PLEKHG1: variants seen among roughly 807,000 people sequenced by gnomAD.
PLEKHG1 encodes the protein pleckstrin homology and RhoGEF domain containing G1, also known as pleckstrin homology domain-containing family G member 1.
Under a neutral mutation model 100.8 loss-of-function variants are expected in PLEKHG1, and 44 were observed. The ratio of observed to expected loss-of-function variants is 0.44; its 90% CI spans 0.34 to 0.56. PLEKHG1 has a LOEUF of 0.56. Ranked by LOEUF, PLEKHG1 falls within the 20% of genes least tolerant of loss-of-function variation. The probability of loss-of-function intolerance (pLI) is 0.01; values close to 1 mark genes in which losing one functional copy is unlikely to be tolerated. For synonymous variants in PLEKHG1, 640 were observed against 662.5 expected, an observed-to-expected ratio of 0.97 and a Z score of 0.52; for missense variants, 1,545 against 1,720.9, an observed-to-expected ratio of 0.90 and a Z score of 1.81.
intron 1 of PLEKHG1, among the ~76,000 whole-genome samples, chr6:150,725,285 A>G (rs1004899376): frequency 1.3e-5 from 2 of 152,090 alleles, no homozygotes; most frequent in African/African-American, 4.8e-5. Flanking sequence ...TCATCTCCCA[A>G]CAGCCCCCCC....
intron 1 of PLEKHG1, among the ~76,000 whole-genome samples, chr6:150,637,301 T>C (rs529058833): frequency 1.3e-5 from 2 of 152,280 alleles, no homozygotes; most frequent in South Asian, 4.1e-4. Flanking sequence ...AAGGAGATTT[T>C]CCCAGTAGCT....
At chr6:150,658,528 G>T (rs771028743) in intron 3 of PLEKHG1, among the ~76,000 whole-genome samples, 2 of 152,130 alleles carry the variant, frequency 1.3e-5, no homozygotes, top group African/African-American at 2.4e-5. Flanking sequence ...CAGACTCTTA[G>T]TCAAATGCTT....
chr6:150,826,740 G>T (rs1441418998), intron 14 of PLEKHG1, among the ~76,000 whole-genome samples: 3 of 151,736 alleles, frequency 2.0e-5, no homozygotes, highest in African/African-American at 7.2e-5. Context: ...CTCACTTTAG[G>T]CTCAGGAATC....
At chr6:150,670,284 C>T (rs966704891) in intron 3 of PLEKHG1, among the ~76,000 whole-genome samples, 2 of 152,100 alleles carry the variant, frequency 1.3e-5, no homozygotes, top group African/African-American at 4.8e-5. Context: ...CATAGCCTTC[C>T]ACTGACCTTT....
At chr6:150,810,543 A>AAAGAAAGG (rs754046929) in intron 10 of PLEKHG1, among the ~76,000 whole-genome samples, 2 of 146,818 alleles carry the variant, frequency 1.4e-5, no homozygotes, top group Non-Finnish European at 3.0e-5. Context: ...AGAAAGGAAG[A>AAAGAAAGG]AAGGAAGGAA....
At chr6:150,758,142 C>T (rs151004747) in intron 2 of PLEKHG1, among the ~76,000 whole-genome samples, 11 of 152,214 alleles carry the variant, frequency 7.2e-5, no homozygotes, top group African/African-American at 2.4e-4. Flanking sequence ...ATTGAACATA[C>T]GCACACATGT....
chr6:150,620,625 T>C (rs1003988752), intron 1 of PLEKHG1, among the ~76,000 whole-genome samples: 1 of 152,232 alleles, frequency 6.6e-6, no homozygotes, highest in Non-Finnish European at 1.5e-5. Flanking sequence ...TGACTTGACT[T>C]ACCTATTTTC....
chr6:150,749,593 TAATTA>T (rs1160288089), intron 2 of PLEKHG1, among the ~76,000 whole-genome samples: 1 of 152,148 alleles, frequency 6.6e-6, no homozygotes, highest in Non-Finnish European at 1.5e-5. Flanking sequence ...CTGTATGTGA[TAATTA>T]AAGGACCAGT....
intron 3 of PLEKHG1, among the ~76,000 whole-genome samples, chr6:150,651,377 G>A (rs1778723960): frequency 6.6e-6 from 1 of 151,950 alleles, no homozygotes; most frequent in Non-Finnish European, 1.5e-5. Context: ...GGGATAACAG[G>A]CACGCACCAC....
intron 1 of PLEKHG1, among the ~76,000 whole-genome samples, chr6:150,615,579 C>T (rs1338558763): frequency 1.3e-5 from 2 of 152,078 alleles, no homozygotes; most frequent in African/African-American, 2.4e-5. Context: ...TTTAAATTCT[C>T]ATAACAGAAA....
chr6:150,669,788 G>A (rs1779524322), intron 3 of PLEKHG1, among the ~76,000 whole-genome samples: 1 of 151,970 alleles, frequency 6.6e-6, no homozygotes, highest in African/African-American at 2.4e-5. Context: ...AGTAGAGACA[G>A]GGTTTCACTA....
chr6:150,760,165 G>A (rs564314037), intron 2 of PLEKHG1, among the ~76,000 whole-genome samples: 1 of 152,050 alleles, frequency 6.6e-6, no homozygotes, highest in East Asian at 1.9e-4. Flanking sequence ...TACACCAGTA[G>A]TCCTCTGATT....
chr6:150,727,043 C>T (rs1781996290), intron 1 of PLEKHG1, among the ~76,000 whole-genome samples: 1 of 152,170 alleles, frequency 6.6e-6, no homozygotes, highest in Non-Finnish European at 1.5e-5. Flanking sequence ...ATACTTTAGT[C>T]TTTCTGTGGC....
chr6:150,792,357 C>CAAA (rs34263748), intron 4 of PLEKHG1, among the ~76,000 whole-genome samples: 9 of 87,078 alleles, frequency 1.0e-4, no homozygotes, highest in African/African-American at 3.2e-4. Flanking sequence ...ACTCAGTCTC[C>CAAA]AAAAAAAAAA....
intron 2 of PLEKHG1, among the ~76,000 whole-genome samples, 158 bp from the exon 4 acceptor site, chr6:150,768,480 A>G (rs1211696120): frequency 6.6e-6 from 1 of 152,236 alleles, no homozygotes; most frequent in Admixed American, 6.5e-5. Context: ...GGTGAGTATT[A>G]GGGCCAGTAA....
chr6:150,804,176 T>TATATATATATATATATATATATATA (rs55868220), intron 6 of PLEKHG1, among the ~76,000 whole-genome samples: 24 of 24,762 alleles, frequency 9.7e-4, no homozygotes, highest in East Asian at 1.3e-3. Context: ...TATATATATA[T>TATATATATATATATATATATATATA]TTTTTTTTTT....
chr6:150,688,940 G>C (rs751905039), intron 3 of PLEKHG1, among the ~76,000 whole-genome samples: 1 of 152,144 alleles, frequency 6.6e-6, no homozygotes, highest in Non-Finnish European at 1.5e-5. Flanking sequence ...AGTGGCATTA[G>C]TTGTATTCAC....
chr6:150,770,793 A>G (rs1458535597), intron 3 of PLEKHG1, among the ~76,000 whole-genome samples: 1 of 152,284 alleles, frequency 6.6e-6, no homozygotes, highest in Non-Finnish European at 1.5e-5. Flanking sequence ...TCCAGAGTCC[A>G]CTAATGGTCC....
At chr6:150,799,749 ACTTC>A (rs1335814457) in intron 5 of PLEKHG1, among the ~76,000 whole-genome samples, 1 of 152,226 alleles carries the variant, frequency 6.6e-6, no homozygotes, top group African/African-American at 2.4e-5. Flanking sequence ...CTTCCATTTA[ACTTC>A]CTTCCTCACA....
Sources: gnomAD v4.1 joint callset for allele counts (sites outside exome capture counted in the v4.1 genomes callset) on GRCh38, gnomAD v4.1.1 for gene constraint, MANE v1.5 for transcripts, NCBI Gene and HGNC (gene_info 2026-07-23, HGNC 2026-07-21) for gene names.